MAP2: variants seen among roughly 807,000 people sequenced by gnomAD.
MAP2 encodes the protein microtubule-associated protein 2.
A neutral mutation model predicts 137.6 loss-of-function variants in MAP2; 14 were observed. That is an observed-to-expected ratio of 0.10 (90% confidence interval 0.07 to 0.16). The LOEUF is 0.16. Ranked by LOEUF, MAP2 falls within the 10% of genes least tolerant of loss-of-function variation. The pLI, the probability that MAP2 is intolerant of heterozygous loss-of-function variation, is 1.00. For missense variants in MAP2, 2,088 were observed against 2,191.5 expected (o/e 0.95, Z 0.94); for synonymous variants, 786 against 782.3 (o/e 1.00, Z -0.08).
In MAP2 at chr2:209,730,436, A is replaced by C; in HGVS notation, c.*39A>C. 6.7e-7 allele frequency: 1 copy of C among 1,499,256 alleles called. No homozygotes were observed. The highest frequency in any genetic ancestry group is 9.2e-7 in the Non-Finnish European group (1 of 1,083,716). The allele number at this position is 1,499,256 out of a possible 1,614,324, so 92.9% of individuals were successfully genotyped here. ...AGCATTGAAATAATAATATTTAGGC[A>C]TGAGCTCTTGGCAGGAGTGGGCTCT... On this transcript the variant is annotated 3_prime_UTR_variant, in exon 16 of 16. Coordinates refer to ENST00000682079, the MANE Select transcript of MAP2 (RefSeq NM_001375505.1).
At chr2:209,590,428 C>T (rs2078949830) in intron 3 of MAP2, among the ~76,000 whole-genome samples, 1 of 152,086 alleles carries the variant, frequency 6.6e-6, no homozygotes, top group African/African-American at 2.4e-5. Context: ...CTCTGCCTCC[C>T]GGATTCAAGT....
chr2:209,612,810 T>C lies in MAP2; in HGVS notation c.-106-12243T>C, dbSNP rs6718161. ...CATGGAAACATAGTATTAGAACAAGTTTTACAGGAAATCTTATTTAAGAGC... is the reference window on the plus strand; with the variant it reads ...CATGGAAACATAGTATTAGAACAAGCTTTACAGGAAATCTTATTTAAGAGC... On this transcript the variant is annotated intron_variant, in intron 3 of 15. Coordinates refer to ENST00000682079, the MANE Select transcript of MAP2 (RefSeq NM_001375505.1). Among the ~76,000 whole-genome samples, 329 of 152,304 alleles carry C rather than the reference T, an allele frequency of 2.2e-3. 2 individuals carry two copies. The highest frequency in any genetic ancestry group is 7.7e-3 in the African/African-American group (321 of 41,568).
rs1250610603 is a variant in MAP2 at position 209,693,108 on chromosome 2, T to A, written c.938T>A (p.Met313Lys). ...GAAGGGAAACAGTTTGATTCTCCCA[T>A]GCCAAGTCCCTTTCAAGGGGGAAGC... ...KWEGKQFDSPMPSPFQGGSFT... is the reference protein window; with the variant it reads ...KWEGKQFDSPKPSPFQGGSFT... Residue 313 changes from methionine (M) to lysine (K), a missense_variant, in exon 8 of 16, where the codon ATG becomes AAG. By Grantham distance (95) the Met-to-Lys change is moderately conservative (BLOSUM62 -1). Transcript: ENST00000682079. 6.2e-7 allele frequency: 1 copy of A among 1,612,812 alleles called. No individual in the cohort carries two copies. Among genetic ancestry groups the A allele is most frequent in the Admixed American group, 1.7e-5 (1 of 59,768 alleles).
At chr2:209,619,257 ATGT>A (rs2090442121) in intron 3 of MAP2, among the ~76,000 whole-genome samples, 1 of 152,126 alleles carries the variant, frequency 6.6e-6, no homozygotes, top group African/African-American at 2.4e-5. Context: ...TTCCTGAAAA[ATGT>A]TAACAGAATA....
At chr2:209,646,414 C>T (rs1509470) in intron 4 of MAP2, among the ~76,000 whole-genome samples, 31,540 of 152,046 alleles carry the variant, frequency 0.21, 5,052 homozygotes, top group African/African-American at 0.43. Context: ...AAAAGAGGAA[C>T]TCATTTAAGT....
chr2:209,534,723 A>G (rs1559289645), intron 2 of MAP2, among the ~76,000 whole-genome samples: 1 of 152,172 alleles, frequency 6.6e-6, no homozygotes. Context: ...CTCAATTGTC[A>G]CAATTTCTAC....
chr2:209,447,734 G>C (rs1699409348), intron 1 of MAP2, among the ~76,000 whole-genome samples: 1 of 151,952 alleles, frequency 6.6e-6, no homozygotes, highest in African/African-American at 2.4e-5. Flanking sequence ...CTCTAAGTTT[G>C]AGACCTGTAC....
Position 209,694,172 on chromosome 2 carries a change from G to A in MAP2, c.2002G>A (p.Gly668Arg). 1.2e-6 allele frequency: 2 copies of A among 1,614,092 alleles called. No individual in the cohort carries two copies. Among genetic ancestry groups the A allele is most frequent in the East Asian group, 4.5e-5 (2 of 44,860 alleles). ...GTTCACTATTGATCCAAAAGTGTAT[G>A]GAGAGAAAAGGGACCTCCACAGTAA... is the stretch of plus-strand genomic sequence containing the variant. ...RMFTIDPKVY[G>R]EKRDLHSKNK... The change falls in exon 8 of 16, where the codon GGA becomes AGA. Residue 668 changes from glycine (G) to arginine (R), a missense_variant. Coordinates refer to ENST00000682079, the MANE Select transcript of MAP2 (RefSeq NM_001375505.1).
At chr2:209,573,494 A>G (rs1378226294) in intron 2 of MAP2, among the ~76,000 whole-genome samples, 3 of 151,862 alleles carry the variant, frequency 2.0e-5, no homozygotes, top group African/African-American at 7.3e-5. Flanking sequence ...GGGTTTCCCC[A>G]TGTTGGCCAG....
chr2:209,673,561 G>T (rs1029027890), intron 5 of MAP2, among the ~76,000 whole-genome samples: 2 of 151,724 alleles, frequency 1.3e-5, no homozygotes, highest in East Asian at 3.8e-4. Flanking sequence ...ACTAAAAAAT[G>T]TCCAGTGCCA....
intron 5 of MAP2, among the ~76,000 whole-genome samples, chr2:209,667,025 G>A (rs2046627013): frequency 6.6e-6 from 1 of 150,510 alleles, no homozygotes; most frequent in African/African-American, 2.5e-5. Context: ...CCAGTTCTGT[G>A]GGAAAATGAA....
chr2:209,674,719 A>G (rs545964294), intron 5 of MAP2, among the ~76,000 whole-genome samples: 2 of 151,844 alleles, frequency 1.3e-5, no homozygotes, highest in East Asian at 1.9e-4. Context: ...AATCACACAC[A>G]TCATAATCAT....
chr2:209,449,554 T>TTA (rs932424412), intron 1 of MAP2, among the ~76,000 whole-genome samples: 23 of 148,640 alleles, frequency 1.5e-4, no homozygotes, highest in South Asian at 6.3e-4. Flanking sequence ...TCAGAACTTG[T>TTA]TATATATATA....
chr2:209,461,525 G>A (rs1015094725), intron 1 of MAP2, among the ~76,000 whole-genome samples: 4 of 151,736 alleles, frequency 2.6e-5, no homozygotes, highest in African/African-American at 7.3e-5. Context: ...GCACAATCTC[G>A]GCTCACTGCA....
intron 1 of MAP2, among the ~76,000 whole-genome samples, chr2:209,431,418 T>G (rs1694249961): frequency 6.6e-6 from 1 of 152,200 alleles, no homozygotes; most frequent in African/African-American, 2.4e-5. Flanking sequence ...ATTTTTTACA[T>G]TTACAAATGA....
At chr2:209,441,240 T>C (rs953204015) in intron 1 of MAP2, among the ~76,000 whole-genome samples, 1 of 151,624 alleles carries the variant, frequency 6.6e-6, no homozygotes. Context: ...AAAAATCTTC[T>C]TGAAAAAAAT....
chr2:209,728,713 CA>C (rs1436476000), intron 14 of MAP2, among the ~76,000 whole-genome samples: 5 of 152,176 alleles, frequency 3.3e-5, no homozygotes, highest in Non-Finnish European at 5.9e-5. Flanking sequence ...TTCATATTTC[CA>C]TACGGTCCAT....
chr2:209,710,240 C>T lies in MAP2; in HGVS notation c.5059C>T (p.Pro1687Ser). 1 of 1,577,224 alleles carries T rather than the reference C, an allele frequency of 6.3e-7. No individual in the cohort carries two copies. The change falls in exon 13 of 16, where the codon CCT becomes TCT. Residue 1687 changes from proline (P) to serine (S), a missense_variant. Around this residue, in one of 6 missense-constraint regions of MAP2, gnomAD observed 112 missense variants for 201.0 expected, o/e 0.56. Coordinates refer to ENST00000682079, the MANE Select transcript of MAP2 (RefSeq NM_001375505.1). Reference sequence around the variant, plus strand: ...ATCAACAGACAACATCAAATACCAGCCTAAAGGGGGGCAGGTAAGAATTGC... The same window carrying T: ...ATCAACAGACAACATCAAATACCAGTCTAAAGGGGGGCAGGTAAGAATTGC... ...IGSTDNIKYQ[P>S]KGGQVQIVTK... is the part of the protein sequence containing the mutation.
intron 2 of MAP2, among the ~76,000 whole-genome samples, chr2:209,569,956 T>C (rs922892031): frequency 6.6e-6 from 1 of 151,830 alleles, no homozygotes; most frequent in African/African-American, 2.4e-5. Flanking sequence ...TGAGCCTATA[T>C]TGCACTCATA....
Sources: gnomAD v4.1 joint callset for allele counts (sites outside exome capture counted in the v4.1 genomes callset) on GRCh38, gnomAD v4.1.1 for gene constraint, gnomAD v4.1.1 regional missense constraint, MANE v1.5 for transcripts, NCBI Gene and HGNC (gene_info 2026-07-23, HGNC 2026-07-21) for gene names.